The following MALRD1 variants were observed in gnomAD, a reference collection of about 807,000 sequenced individuals.
MALRD1 encodes the protein MAM and LDL receptor class A domain containing 1, also known as MAM and LDL-receptor class A domain-containing protein 1.
MALRD1 carries 247 observed loss-of-function variants against 242.1 expected under a neutral mutation model. The ratio of observed to expected loss-of-function variants is 1.02; its 90% confidence interval spans 0.92 to 1.13. The LOEUF (loss-of-function observed/expected upper bound fraction) is 1.13, where lower values mean the gene tolerates loss of function less well. Ranked by LOEUF, MALRD1 falls within the 50% of genes most tolerant of loss-of-function variation. The probability of loss-of-function intolerance (pLI) is 0.00; values close to 1 mark genes in which losing one functional copy is unlikely to be tolerated. For missense variants in MALRD1, 2,989 were observed against 2,533.1 expected (o/e 1.18, Z -3.86); for synonymous variants, 995 against 866.6 (o/e 1.15, Z -2.60).
At chr10:19,447,041 AACACACACACACACACACACAT>A (rs1835025246) in intron 28 of MALRD1, among the ~76,000 whole-genome samples, 3 of 148,356 alleles carry the variant, frequency 2.0e-5, no homozygotes, top group Non-Finnish European at 4.5e-5. Context: ...CTCTGTTAGG[AACACACACACACACACACACAT>A]ACACAGACAC....
intron 14 of MALRD1, among the ~76,000 whole-genome samples, chr10:19,185,591 T>A (rs1321107908): frequency 6.6e-6 from 1 of 152,298 alleles, no homozygotes; most frequent in African/African-American, 2.4e-5. Flanking sequence ...TACAGAAATA[T>A]GTGCATTAGA....
Position 19,136,569 on chromosome 10 carries a change from T to A in MALRD1, c.1204-5T>A. Reference sequence around the variant, plus strand: ...ACTCATAAATTAATCTTTTCCTTCCTAAAGATTATTTTTGAAGGGACTCTT... The same window carrying A: ...ACTCATAAATTAATCTTTTCCTTCCAAAAGATTATTTTTGAAGGGACTCTT... On this transcript the variant is annotated splice_region_variant and splice_polypyrimidine_tract_variant and intron_variant, in intron 9 of 39. Transcript: ENST00000454679. 1 of 1,222,518 alleles carries A rather than the reference T, an allele frequency of 8.2e-7. No homozygotes were observed. 75.7% of individuals were successfully genotyped at this position (1,222,518 alleles called of 1,614,324 possible).
In MALRD1 at chr10:19,617,560, G is replaced by C. The variant is rs138067985; in HGVS notation, c.6137+1637G>C. Among the ~76,000 whole-genome samples, 550 of 151,822 alleles carry C rather than the reference G, an allele frequency of 3.6e-3. 15 individuals are homozygous for C. In the South Asian group the frequency reaches 0.051, roughly 14 times the overall value. On this transcript the variant is annotated intron_variant, in intron 36 of 39. Coordinates refer to ENST00000454679, the MANE Select transcript of MALRD1 (RefSeq NM_001142308.3). ...CAAGTTTTTCTTTCTTTAAAATTAC[G>C]TACTAAAAAAGTAATATATGTGGGT...
At chr10:19,602,511 C>A (rs1480757792) in intron 34 of MALRD1, among the ~76,000 whole-genome samples, 1 of 151,806 alleles carries the variant, frequency 6.6e-6, no homozygotes, top group South Asian at 2.1e-4. Context: ...CATGTCCCTG[C>A]AAAGGACATG....
At chr10:19,406,101 T>C (rs1847091712) in intron 28 of MALRD1, among the ~76,000 whole-genome samples, 1 of 152,176 alleles carries the variant, frequency 6.6e-6, no homozygotes, top group African/African-American at 2.4e-5. Context: ...AAAATGATGA[T>C]TATAACATGA....
At position 19,165,763 on chromosome 10, in the gene MALRD1, A is replaced by G. The variant is rs1834662155; in HGVS notation, c.1783A>G (p.Lys595Glu). Residue 595 changes from lysine to glutamate, a missense_variant, in exon 13 of 40, where the codon AAA becomes GAA. Transcript: ENST00000454679. ...CTCCGAATCTCAGTGGAGCCACGCA[A>G]AAATTGATCTCATTGCAGAAGCGGG... ...RFSESQWSHA[K>E]IDLIAEAGES... 8.1e-7 allele frequency: 1 copy of G among 1,231,720 alleles called. No individual in the cohort carries two copies. Among genetic ancestry groups the G allele is most frequent in the Non-Finnish European group, 1.0e-6 (1 of 987,964 alleles). The allele number at this position is 1,231,720 out of a possible 1,614,324, so 76.3% of individuals were successfully genotyped here.
chr10:19,640,989 A>G (rs528312861), intron 36 of MALRD1, among the ~76,000 whole-genome samples: 1 of 152,324 alleles, frequency 6.6e-6, no homozygotes, highest in South Asian at 2.1e-4. Context: ...TTTTAATGCC[A>G]TGTACATTTA....
intron 19 of MALRD1, among the ~76,000 whole-genome samples, chr10:19,272,655 G>A (rs760125188): frequency 6.6e-6 from 1 of 152,066 alleles, no homozygotes; most frequent in African/African-American, 2.4e-5. Flanking sequence ...CATGCATTAG[G>A]TATTTGTCCT....
chr10:19,734,354 G>C lies in MALRD1; in HGVS notation c.*117G>C. ...AAAAGAGAAAGGATTGTAAATGCCA[G>C]TGTAATTATAACATTTATGAATGAA... is the stretch of plus-strand genomic sequence containing the variant. On this transcript the variant is annotated 3_prime_UTR_variant, in exon 40 of 40. Coordinates refer to ENST00000454679, the MANE Select transcript of MALRD1 (RefSeq NM_001142308.3). 3 of 812,434 alleles carry C rather than the reference G, an allele frequency of 3.7e-6. No individual in the cohort carries two copies. The highest frequency in any genetic ancestry group is 5.6e-6 in the Non-Finnish European group (3 of 531,014). The allele number at this position is 812,434 out of a possible 1,614,324, so 50.3% of individuals were successfully genotyped here.
Position 19,376,271 on chromosome 10 carries a change from C to T in MALRD1, c.4442-11257C>T, listed in dbSNP as rs536316059. On this transcript the variant is annotated intron_variant, in intron 26 of 39. Coordinates refer to ENST00000454679, the MANE Select transcript of MALRD1 (RefSeq NM_001142308.3). Reference sequence around the variant, plus strand: ...CATATTTCATTTCCTCAGATTTCTACCTTTATTTAATCTGGGCTTATGAAT... The same window carrying T: ...CATATTTCATTTCCTCAGATTTCTATCTTTATTTAATCTGGGCTTATGAAT... Among the ~76,000 whole-genome samples, 5 of 152,276 alleles carry T rather than the reference C, an allele frequency of 3.3e-5. No individual in the cohort carries two copies. The South Asian group carries it at 1.0e-3, about 32-fold the overall frequency.
chr10:19,125,358 TTTCTTTCTTTCTTTCTTTCTTTCCTTCC>T, intron 7 of MALRD1, among the ~76,000 whole-genome samples: 1 of 117,068 alleles, frequency 8.5e-6, no homozygotes, highest in South Asian at 3.3e-4. Flanking sequence ...TCTTTCTTTC[TTTCTTTCTTTCTTTCTTTCTTTCCTTCC>T]TTCCTTCCTT....
chr10:19,680,164 C>T (rs1411905657), intron 36 of MALRD1, among the ~76,000 whole-genome samples: 4 of 152,102 alleles, frequency 2.6e-5, no homozygotes, highest in Non-Finnish European at 5.9e-5. Context: ...CCAGTTGATC[C>T]AGAGCTAAGT....
intron 29 of MALRD1, among the ~76,000 whole-genome samples, chr10:19,475,843 A>G (rs1836703593): frequency 6.6e-6 from 1 of 152,208 alleles, no homozygotes; most frequent in African/African-American, 2.4e-5. Flanking sequence ...TCAGCTTCTC[A>G]AAATCTCTTA....
chr10:19,070,619 G>C (rs1835115174), intron 2 of MALRD1, among the ~76,000 whole-genome samples: 1 of 151,880 alleles, frequency 6.6e-6, no homozygotes, highest in South Asian at 2.1e-4. Context: ...ATTACAATGG[G>C]AGTTTTAAAA....
intron 29 of MALRD1, among the ~76,000 whole-genome samples, chr10:19,471,483 T>G (rs1220057173): frequency 6.6e-6 from 1 of 151,884 alleles, no homozygotes; most frequent in Non-Finnish European, 1.5e-5. Context: ...GACTTAGAAT[T>G]TGGATGTGGA....
rs1394817952 is a variant in MALRD1, at chr10:19,328,613, T to C, written c.3687+940T>C. 3.9e-5 allele frequency among the ~76,000 whole-genome samples: 6 copies of C among 152,152 alleles called. No individual in the cohort carries two copies. The East Asian group carries it at 1.2e-3, about 29-fold the overall frequency. On this transcript the variant is annotated intron_variant, in intron 23 of 39. Coordinates refer to ENST00000454679, the MANE Select transcript of MALRD1 (RefSeq NM_001142308.3). Reference sequence around the variant, plus strand: ...CTCTGATAGATCAGCTCCTCTCAACTCCAGTGGGAGTATACAGGCTTCCAT... The same window carrying C: ...CTCTGATAGATCAGCTCCTCTCAACCCCAGTGGGAGTATACAGGCTTCCAT...
At chr10:19,605,140 GATTT>G (rs935923959) in intron 34 of MALRD1, among the ~76,000 whole-genome samples, 2 of 148,130 alleles carry the variant, frequency 1.4e-5, no homozygotes, top group Middle Eastern at 3.5e-3. Context: ...TTTGATTACA[GATTT>G]ATTTATTTTT....
intron 28 of MALRD1, among the ~76,000 whole-genome samples, chr10:19,401,014 T>A (rs1846814338): frequency 6.6e-6 from 1 of 151,600 alleles, no homozygotes; most frequent in Admixed American, 6.6e-5. Context: ...AGACTATGTC[T>A]CAGAAATAAA....
Position 19,234,888 on chromosome 10 carries a change from T to G in MALRD1, c.2992-22796T>G, listed in dbSNP as rs186580456. 5.9e-5 allele frequency among the ~76,000 whole-genome samples: 9 copies of G among 152,082 alleles called. No individual in the cohort carries two copies. In the East Asian group the frequency reaches 1.7e-3, roughly 29 times the overall value. The stretch of plus-strand genomic sequence containing the variant: ...CACGGAAGGTGTTGTTTTGCTTAGG[T>G]TTTGAAGTGTGGGTAGGAGATGGCC... On this transcript the variant is annotated intron_variant, in intron 18 of 39. Transcript: ENST00000454679.
Sources: gnomAD v4.1 joint callset for allele counts (sites outside exome capture counted in the v4.1 genomes callset) on GRCh38, gnomAD v4.1.1 for gene constraint, MANE v1.5 for transcripts, NCBI Gene and HGNC (gene_info 2026-07-23, HGNC 2026-07-21) for gene names.